Variants in CSMD1 observed in about 807,000 individuals in gnomAD.
CSMD1 encodes CUB and sushi domain-containing protein 1.
A neutral mutation model predicts 417.5 loss-of-function variants in CSMD1; 213 were observed. The observed-to-expected ratio is 0.51, with a 90% confidence interval of 0.46 to 0.57. The LOEUF (loss-of-function observed/expected upper bound fraction) is 0.57. CSMD1 is among the 20% of genes least tolerant of loss of function. CSMD1 has a pLI of 0.00. For missense variants in CSMD1, 6,923 were observed against 4,529.7 expected (o/e 1.53, Z -15.17); for synonymous variants, 2,862 against 1,736.8 (o/e 1.65, Z -16.11).
intron 18 of CSMD1, among the ~76,000 whole-genome samples, chr8:3,386,199 C>G (rs544670398): frequency 6.6e-6 from 1 of 152,284 alleles, no homozygotes; most frequent in Middle Eastern, 3.4e-3. Context: ...AAAAAAGGAA[C>G]CCTTTTGCAT....
At chr8:4,652,051 T>A (rs79167779) in intron 1 of CSMD1, among the ~76,000 whole-genome samples, 1 of 152,168 alleles carries the variant, frequency 6.6e-6, no homozygotes, top group Admixed American at 6.5e-5. Context: ...TGAGCCATGA[T>A]TGAGTCAGGA....
At chr8:4,235,951 C>G (rs1563316366) in intron 3 of CSMD1, among the ~76,000 whole-genome samples, 1 of 151,254 alleles carries the variant, frequency 6.6e-6, no homozygotes, top group South Asian at 2.1e-4. Context: ...TGAAATTAAC[C>G]TAGTTGCCAA....
At chr8:4,069,043 C>G (rs539914466) in intron 3 of CSMD1, among the ~76,000 whole-genome samples, 23 of 152,182 alleles carry the variant, frequency 1.5e-4, no homozygotes, top group African/African-American at 5.3e-4. Flanking sequence ...TTATTCTTTC[C>G]TTCTATAGAC....
chr8:3,562,866 C>T (rs751503325), intron 10 of CSMD1, among the ~76,000 whole-genome samples: 1 of 151,766 alleles, frequency 6.6e-6, no homozygotes, highest in Admixed American at 6.6e-5. Flanking sequence ...AACAAACCCC[C>T]ATGACACAAG....
intron 3 of CSMD1, among the ~76,000 whole-genome samples, chr8:4,352,167 C>T (rs1344873006): frequency 6.6e-6 from 1 of 152,108 alleles, no homozygotes; most frequent in Non-Finnish European, 1.5e-5. Flanking sequence ...TATATTAAGT[C>T]CACTTAGGTT....
chr8:3,370,653 A>G lies in CSMD1; in HGVS notation c.2783-1283T>C, dbSNP rs187183707. On this transcript the variant is annotated intron_variant, in intron 18 of 69. Transcript: ENST00000635120. The stretch of plus-strand genomic sequence containing the variant: ...CACCAATGTGAACTGGCATCATTCA[A>G]TCTGCTGAGGGCTGGAACCGAATAA... 1.4e-3 allele frequency among the ~76,000 whole-genome samples: 207 copies of G among 152,314 alleles called. 4 individuals carry two copies. The highest frequency in any genetic ancestry group is 7.5e-3 in the South Asian group (36 of 4,822).
chr8:4,885,986 TTTAC>T (rs1803712032), intron 1 of CSMD1, among the ~76,000 whole-genome samples: 3 of 122,650 alleles, frequency 2.4e-5, no homozygotes, highest in South Asian at 3.0e-4. Flanking sequence ...TATTTACTTA[TTTAC>T]TTATTTATTT....
intron 3 of CSMD1, among the ~76,000 whole-genome samples, chr8:4,063,516 T>A (rs1196432603): frequency 3.3e-5 from 5 of 152,208 alleles, no homozygotes; most frequent in Admixed American, 6.5e-5. Flanking sequence ...CTATTCTGTG[T>A]GCCACAGTTT....
chr8:3,462,787 G>C (rs1485455771), intron 12 of CSMD1, among the ~76,000 whole-genome samples: 2 of 151,166 alleles, frequency 1.3e-5, no homozygotes, highest in African/African-American at 4.9e-5. Flanking sequence ...TGCCAAAAAG[G>C]CTGGGGACTC....
At chr8:3,173,698 T>A (rs993047646) in intron 37 of CSMD1, among the ~76,000 whole-genome samples, 25 of 152,224 alleles carry the variant, frequency 1.6e-4, no homozygotes, top group Non-Finnish European at 2.6e-4. Flanking sequence ...GAAATCTCTG[T>A]AAACACACTC....
At chr8:3,349,012 C>G (rs1040686828) in intron 21 of CSMD1, among the ~76,000 whole-genome samples, 2 of 152,182 alleles carry the variant, frequency 1.3e-5, no homozygotes, top group African/African-American at 4.8e-5. Context: ...AGAGGTTTGT[C>G]TGTGCCAAGA....
intron 7 of CSMD1, among the ~76,000 whole-genome samples, chr8:3,639,352 G>A (rs1389424788): frequency 6.6e-6 from 1 of 152,042 alleles, no homozygotes; most frequent in Non-Finnish European, 1.5e-5. Flanking sequence ...GAGTTTAAGA[G>A]GAAAAAGAGA....
intron 23 of CSMD1, among the ~76,000 whole-genome samples, chr8:3,334,193 A>G (rs1807092293): frequency 1.3e-5 from 2 of 152,322 alleles, no homozygotes; most frequent in South Asian, 4.1e-4. Flanking sequence ...TCAATCCTAT[A>G]AAGAAAGCAT....
At chr8:4,789,950 C>T (rs142880628) in intron 1 of CSMD1, among the ~76,000 whole-genome samples, 4 of 152,200 alleles carry the variant, frequency 2.6e-5, no homozygotes, top group East Asian at 3.9e-4. Context: ...ACCCGAAAAA[C>T]GTATCTTAAA....
At chr8:3,858,827 C>G (rs1460182405) in intron 5 of CSMD1, among the ~76,000 whole-genome samples, 1 of 152,136 alleles carries the variant, frequency 6.6e-6, no homozygotes. Flanking sequence ...AATAACATGA[C>G]TTGCATGTTG....
At chr8:3,688,826 G>A (rs1303222451) in intron 7 of CSMD1, among the ~76,000 whole-genome samples, 2 of 151,830 alleles carry the variant, frequency 1.3e-5, no homozygotes, top group African/African-American at 4.8e-5. Flanking sequence ...GTGTAATAGT[G>A]GTTAATTAAC....
rs529029367 is a variant in CSMD1, at chr8:4,148,821, C to A, written c.416-116722G>T. Among the ~76,000 whole-genome samples the A allele has an allele frequency of 2.6e-5, 4 of 152,268 alleles. No homozygotes were observed. In the South Asian group the frequency reaches 6.2e-4, roughly 24 times the overall value. On this transcript the variant is annotated intron_variant, in intron 3 of 69. Coordinates refer to ENST00000635120, the MANE Select transcript of CSMD1 (RefSeq NM_033225.6). ...TTGGGAAGGGATGTCATGATTCAGT[C>A]CCTCATGCTGCCTTTGGCTTGTGTC...
chr8:4,683,441 T>C (rs1298334394), intron 1 of CSMD1, among the ~76,000 whole-genome samples: 1 of 152,122 alleles, frequency 6.6e-6, no homozygotes, highest in Non-Finnish European at 1.5e-5. Context: ...AGGACACACT[T>C]GATTAAGGGA....
chr8:3,479,810 C>G (rs940326101), intron 11 of CSMD1, among the ~76,000 whole-genome samples: 1 of 151,604 alleles, frequency 6.6e-6, no homozygotes, highest in East Asian at 1.9e-4. Context: ...ATTTTAAAGC[C>G]AGGTCGCTTA....
Sources: gnomAD v4.1 joint callset for allele counts (sites outside exome capture counted in the v4.1 genomes callset) on GRCh38, gnomAD v4.1.1 for gene constraint, MANE v1.5 for transcripts, NCBI Gene and HGNC (gene_info 2026-07-23, HGNC 2026-07-21) for gene names.